RIN2: variants seen among roughly 807,000 people sequenced by gnomAD.
The protein encoded by RIN2 is Ras and Rab interactor 2.
A neutral mutation model predicts 78.0 loss-of-function variants in RIN2; 36 were observed. The observed-to-expected ratio is 0.46, with a 90% CI of 0.35 to 0.61. The LOEUF is 0.61. Among genes scored for constraint, RIN2 ranks in the 20% least tolerant of loss-of-function variants. RIN2 has a pLI of 0.00. For synonymous variants in RIN2, 466 were observed against 466.8 expected, an observed-to-expected ratio of 1.00 and a Z score of 0.02; for missense variants, 1,087 against 1,159.7, an observed-to-expected ratio of 0.94 and a Z score of 0.91.
rs141921608 is a variant in RIN2 at position 19,802,959 on chromosome 20, T to C, written c.-37+3212T>C. Among the ~76,000 whole-genome samples the C allele has an allele frequency of 6.9e-3, 1,057 of 152,264 alleles. 10 individuals carry two copies. The highest frequency in any genetic ancestry group is 0.024 in the African/African-American group (1,006 of 41,530). ...CCAGCCTCTCCCACTAGACCCCTCT[T>C]TTATCTTCTCTTGTTCTCGGGCTTC... On this transcript the variant is annotated intron_variant, in intron 2 of 12. Transcript: ENST00000255006.
intron 8 of RIN2, among the ~76,000 whole-genome samples, chr20:19,972,528 A>G (rs976448471): frequency 6.6e-6 from 1 of 152,216 alleles, no homozygotes; most frequent in Admixed American, 6.5e-5. Flanking sequence ...TTGCGTAGAG[A>G]TAGAATATTT....
chr20:19,973,979 G>A (rs1218494976), intron 8 of RIN2, among the ~76,000 whole-genome samples: 1 of 152,196 alleles, frequency 6.6e-6, no homozygotes, highest in African/African-American at 2.4e-5. Context: ...ATGGTGAGGA[G>A]GTTATATAGG....
At chr20:19,758,538 T>G (rs1600377261) in intron 1 of RIN2, among the ~76,000 whole-genome samples, 1 of 148,318 alleles carries the variant, frequency 6.7e-6, no homozygotes, top group Non-Finnish European at 1.5e-5. Flanking sequence ...GATCAGGGAG[T>G]GGGGACAAGG....
chr20:19,870,644 C>CA (rs533551888), intron 2 of RIN2, among the ~76,000 whole-genome samples: 1 of 151,770 alleles, frequency 6.6e-6, no homozygotes, highest in Non-Finnish European at 1.5e-5. Flanking sequence ...TAGACTCTTT[C>CA]AAAAAAAAGA....
chr20:19,943,369 C>G (rs1490514724), intron 4 of RIN2, among the ~76,000 whole-genome samples: 2 of 152,150 alleles, frequency 1.3e-5, no homozygotes, highest in African/African-American at 4.8e-5. Context: ...TTTCTGTGTC[C>G]TCTTCTGCTG....
chr20:19,966,599 C>T (rs1316932238), intron 7 of RIN2, among the ~76,000 whole-genome samples: 5 of 152,134 alleles, frequency 3.3e-5, no homozygotes, highest in African/African-American at 1.2e-4. Context: ...GCTGGGATTA[C>T]AGGTGTGAGC....
At chr20:19,930,603 CTT>C (rs1217341090) in intron 3 of RIN2, among the ~76,000 whole-genome samples, 1 of 152,124 alleles carries the variant, frequency 6.6e-6, no homozygotes, top group Non-Finnish European at 1.5e-5. Flanking sequence ...GGAGTCCTCT[CTT>C]TGAGGTTTGC....
At chr20:19,989,203 T>G (rs1280859520) in intron 9 of RIN2, among the ~76,000 whole-genome samples, 1 of 152,208 alleles carries the variant, frequency 6.6e-6, no homozygotes, top group Admixed American at 6.5e-5. Context: ...AATGAAGAAT[T>G]TTTTAGTCCA....
At chr20:19,842,115 G>A (rs181955154) in intron 2 of RIN2, among the ~76,000 whole-genome samples, 1 of 152,310 alleles carries the variant, frequency 6.6e-6, no homozygotes, top group East Asian at 1.9e-4. Context: ...AAATCCTAGA[G>A]CCCTTCATAA....
At chr20:19,984,413 C>A (rs6046509) in intron 9 of RIN2, among the ~76,000 whole-genome samples, 57,536 of 151,976 alleles carry the variant, frequency 0.38, 13,020 homozygotes, top group African/African-American at 0.63. Context: ...ACACAATGCT[C>A]AGTATCTATA....
At chr20:19,983,567 C>T (rs1020590626) in intron 9 of RIN2, among the ~76,000 whole-genome samples, 2 of 151,824 alleles carry the variant, frequency 1.3e-5, no homozygotes, top group African/African-American at 4.8e-5. Flanking sequence ...ATCTTGTTAT[C>T]AAACATTAGC....
At position 20,001,267 on chromosome 20, in the gene RIN2, T is replaced by C. The variant is rs2043134119; in HGVS notation, c.*331T>C. 4.5e-6 allele frequency: 1 copy of C among 222,620 alleles called. No individual in the cohort carries two copies. Among genetic ancestry groups the C allele is most frequent in the Non-Finnish European group, 8.8e-6 (1 of 113,162 alleles). 13.8% of individuals were successfully genotyped at this position (222,620 alleles called of 1,614,324 possible). A position where few individuals can be genotyped will look rare whatever the true frequency, so the allele number is the denominator to read the frequency against. ...GAAGAAACACTTAAGATACAAGTTC[T>C]TTTGAATTCAACAGCAGATGCTTGC... is the stretch of plus-strand genomic sequence containing the variant. On this transcript the variant is annotated 3_prime_UTR_variant, in exon 13 of 13. Transcript: ENST00000255006.
At position 19,972,773 on chromosome 20, in the gene RIN2, T is replaced by A. The variant is rs1285437768; in HGVS notation, c.628+1844T>A. On this transcript the variant is annotated intron_variant, in intron 8 of 12. Transcript: ENST00000255006. ...AGATTTACAGCTGTGACAGTATAAG[T>A]CTAAGGAGGACTCAAAGGAGGTGGA... 7.2e-5 allele frequency among the ~76,000 whole-genome samples: 11 copies of A among 152,172 alleles called. 1 individual carries two copies.
chr20:19,977,927 GT>G (rs1320157132), intron 9 of RIN2, among the ~76,000 whole-genome samples: 1 of 152,048 alleles, frequency 6.6e-6, no homozygotes, highest in African/African-American at 2.4e-5. Context: ...ACAGCATTCT[GT>G]TTTGAAAGTA....
chr20:19,837,159 C>T (rs190320986), intron 2 of RIN2, among the ~76,000 whole-genome samples: 1,402 of 131,716 alleles, frequency 0.011, 36 homozygotes, highest in African/African-American at 0.04. Flanking sequence ...CATCACACAC[C>T]GCCCCCCCCA....
At chr20:19,840,640 C>T (rs1212902888) in intron 2 of RIN2, among the ~76,000 whole-genome samples, 1 of 152,182 alleles carries the variant, frequency 6.6e-6, no homozygotes, top group East Asian at 1.9e-4. Flanking sequence ...TCTTTACATG[C>T]CCTTACGTTC....
chr20:19,849,467 C>T (rs1198896215), intron 2 of RIN2, among the ~76,000 whole-genome samples: 4 of 152,132 alleles, frequency 2.6e-5, no homozygotes, highest in East Asian at 1.9e-4. Flanking sequence ...CGTTCTACCC[C>T]GACTCTGCTC....
At chr20:19,926,836 G>A (rs978922383) in intron 3 of RIN2, among the ~76,000 whole-genome samples, 11 of 152,202 alleles carry the variant, frequency 7.2e-5, no homozygotes, top group Admixed American at 2.0e-4. Flanking sequence ...TTTGAAGAGC[G>A]CTGTATCAGG....
intron 2 of RIN2, among the ~76,000 whole-genome samples, chr20:19,886,271 C>T (rs2038185289): frequency 1.3e-5 from 2 of 152,234 alleles, no homozygotes; most frequent in African/African-American, 4.8e-5. Flanking sequence ...GTTGGGGAGC[C>T]AGCCTCCAGC....
Sources: allele counts gnomAD v4.1 joint callset (sites outside exome capture counted in the v4.1 genomes callset), GRCh38; gene constraint gnomAD v4.1.1; transcripts MANE v1.5; gene names NCBI Gene and HGNC (gene_info 2026-07-23, HGNC 2026-07-21).